The following EMSY variants were observed in gnomAD, a reference collection of about 807,000 sequenced individuals.
The protein encoded by EMSY is EMSY transcriptional repressor, BRCA2 interacting, also known as BRCA2-interacting transcriptional repressor EMSY.
EMSY carries 26 observed loss-of-function variants against 134.6 expected under a neutral mutation model. The ratio of observed to expected loss-of-function variants is 0.19; its 90% CI spans 0.14 to 0.27. EMSY has a LOEUF of 0.27. Among genes scored for constraint, EMSY ranks in the 10% least tolerant of loss-of-function variants. The probability of loss-of-function intolerance (pLI) is 1.00; values close to 1 mark genes in which losing one functional copy is unlikely to be tolerated. For synonymous variants in EMSY, 579 were observed against 577.8 expected (o/e 1.00, Z -0.03); for missense variants, 1,305 against 1,611.4 (o/e 0.81, Z 3.26).
chr11:76,526,279 A>T (rs1395419081), intron 12 of EMSY, among the ~76,000 whole-genome samples, 183 bp from the exon 14 acceptor site: 1 of 152,192 alleles, frequency 6.6e-6, no homozygotes, highest in Admixed American at 6.5e-5. Flanking sequence ...AGTTGGTCAG[A>T]TGACTTTCTA....
At chr11:76,464,208 T>G in intron 7 of EMSY, 128 bp downstream of exon 8, 2 of 1,167,904 alleles carry the variant, frequency 1.7e-6, no homozygotes, top group Non-Finnish European at 2.4e-6. Context: ...CATCTTTTAC[T>G]TTGTTTAATT....
At chr11:76,520,324 T>G (rs755985994) in intron 11 of EMSY, among the ~76,000 whole-genome samples, 1 of 152,136 alleles carries the variant, frequency 6.6e-6, no homozygotes, top group Non-Finnish European at 1.5e-5. Context: ...TGGAAGGGAT[T>G]AGACATTTTA....
rs74582338 is a variant in EMSY at position 76,548,750 on chromosome 11, A to G, written c.3775-1202A>G. 1.1e-3 allele frequency among the ~76,000 whole-genome samples: 171 copies of G among 152,354 alleles called. 1 individual carries two copies. The highest frequency in any genetic ancestry group is 4.0e-3 in the African/African-American group (165 of 41,590). ...ACAGAACTTCGTGACTCCAGAACCA[A>G]TGCGTAGGCATCTTGCATTATTTTC... On this transcript the variant is annotated intron_variant, in intron 20 of 20. Transcript: ENST00000334736.
chr11:76,496,156 A>G, intron 8 of EMSY, 59 bp from the exon 10 acceptor site: 1 of 1,516,454 alleles, frequency 6.6e-7, no homozygotes. Context: ...TAATAACCAG[A>G]AGTAACTTTA....
intron 16 of EMSY, among the ~76,000 whole-genome samples, 156 bp from the exon 18 acceptor site, chr11:76,539,443 C>G (rs1951349353): frequency 6.6e-6 from 1 of 152,072 alleles, no homozygotes; most frequent in South Asian, 2.1e-4. Context: ...ATATGGAAAG[C>G]CATCTAGAAT....
chr11:76,526,162 A>G (rs1231160494), intron 12 of EMSY, among the ~76,000 whole-genome samples: 1 of 152,192 alleles, frequency 6.6e-6, no homozygotes, highest in Non-Finnish European at 1.5e-5. Context: ...TCTGACTATT[A>G]TAATATATGT....
rs867820793 is a variant in EMSY, at chr11:76,474,713, C to G, written c.1108+1873C>G. Among the ~76,000 whole-genome samples, 3 of 152,152 alleles carry G rather than the reference C, an allele frequency of 2.0e-5. No homozygotes were observed. In the South Asian group the frequency reaches 6.2e-4, roughly 32 times the overall value. On this transcript the variant is annotated intron_variant, in intron 8 of 20. Coordinates refer to ENST00000334736, the Ensembl canonical transcript of EMSY. ...TTACCTTAAGTAATTAAAAAAAATT[C>G]CAACATTTCTATTTATACAGCAGTG... is the stretch of plus-strand genomic sequence containing the variant.
At chr11:76,487,697 A>C (rs1949244893) in intron 8 of EMSY, among the ~76,000 whole-genome samples, 1 of 152,228 alleles carries the variant, frequency 6.6e-6, no homozygotes, top group African/African-American at 2.4e-5. Flanking sequence ...TATTTAAAAT[A>C]TTTTATAAAG....
intron 14 of EMSY, among the ~76,000 whole-genome samples, chr11:76,532,044 A>G (rs930259331): frequency 6.6e-6 from 1 of 152,168 alleles, no homozygotes; most frequent in Non-Finnish European, 1.5e-5. Flanking sequence ...TCATTCTTCT[A>G]TGTTAGGCTT....
intron 16 of EMSY, 104 bp from the exon 18 acceptor site, chr11:76,539,495 G>C (rs1235882823): frequency 9.0e-7 from 1 of 1,114,636 alleles, no homozygotes; most frequent in African/African-American, 1.5e-5. Flanking sequence ...TTCAAGCAGA[G>C]GCCAGTATTC....
At chr11:76,497,741 G>T (rs1565318469) in intron 9 of EMSY, among the ~76,000 whole-genome samples, 2 of 151,890 alleles carry the variant, frequency 1.3e-5, no homozygotes, top group Non-Finnish European at 1.5e-5. Flanking sequence ...TGTCAGACTT[G>T]CTATTTATTG....
chr11:76,507,865 C>CTTTT (rs55756987), intron 9 of EMSY, among the ~76,000 whole-genome samples: 23 of 118,614 alleles, frequency 1.9e-4, no homozygotes, highest in African/African-American at 2.1e-4. Flanking sequence ...TTTTCTTTTT[C>CTTTT]TTTTTTTTTT....
chr11:76,478,003 A>G (rs1006595509), intron 8 of EMSY, among the ~76,000 whole-genome samples: 2 of 152,046 alleles, frequency 1.3e-5, no homozygotes, highest in Admixed American at 1.3e-4. Flanking sequence ...TCCTTGACCC[A>G]TCTTCAACCT....
At chr11:76,519,025 T>C (rs1297970402) in intron 11 of EMSY, among the ~76,000 whole-genome samples, 2 of 151,862 alleles carry the variant, frequency 1.3e-5, no homozygotes, top group Non-Finnish European at 2.9e-5. Context: ...GAACAAGTAA[T>C]TAAATGGAAG....
At chr11:76,547,857 C>T (rs1398767211) in intron 20 of EMSY, among the ~76,000 whole-genome samples, 1 of 152,182 alleles carries the variant, frequency 6.6e-6, no homozygotes, top group Admixed American at 6.5e-5. Context: ...AGGTTCTTTA[C>T]AGAATTCGCA....
intron 14 of EMSY, among the ~76,000 whole-genome samples, chr11:76,532,802 A>G (rs1458822839): frequency 6.6e-6 from 1 of 152,182 alleles, no homozygotes; most frequent in Admixed American, 6.5e-5. Context: ...GCTTTGAGTA[A>G]GTCATAACTC....
chr11:76,464,010 C>T (rs748104133), exon 7 of EMSY: 6 of 1,614,142 alleles, frequency 3.7e-6, no homozygotes, highest in Non-Finnish European at 5.1e-6. Flanking sequence ...TCCTTACCAC[C>T]CCACATGTCT....
At chr11:76,544,860 C>G in intron 19 of EMSY, 38 bp downstream of exon 20, 1 of 1,590,082 alleles carries the variant, frequency 6.3e-7, no homozygotes, top group Non-Finnish European at 8.6e-7. Flanking sequence ...TTAAACTTCT[C>G]TGTTCACGGA....
chr11:76,452,418 A>C (rs1947706497), intron 3 of EMSY, among the ~76,000 whole-genome samples: 1 of 152,202 alleles, frequency 6.6e-6, no homozygotes, highest in Non-Finnish European at 1.5e-5. Context: ...AAAATATGGA[A>C]GAGGCTCTTC....
Sources: gnomAD v4.1 joint callset for allele counts (sites outside exome capture counted in the v4.1 genomes callset) on GRCh38, gnomAD v4.1.1 for gene constraint, MANE v1.5 for transcripts, NCBI Gene and HGNC (gene_info 2026-07-23, HGNC 2026-07-21) for gene names.